The following GABRQ variants were observed in gnomAD, a reference collection of about 807,000 sequenced individuals.
GABRQ encodes gamma-aminobutyric acid receptor subunit theta.
Under a neutral mutation model 30.5 loss-of-function variants are expected in GABRQ, and 19 were observed. The ratio of observed to expected loss-of-function variants is 0.62; its 90% CI spans 0.43 to 0.91. The LOEUF is 0.91. Ranked by LOEUF, GABRQ falls within the 40% of genes least tolerant of loss-of-function variation. The pLI is 0.00. For missense variants in GABRQ, 520 were observed against 521.4 expected (o/e 1.00, Z 0.03); for synonymous variants, 187 against 210.2 (o/e 0.89, Z 0.95).
In GABRQ at chrX:152,650,596, G is replaced by A; in HGVS notation, c.901+16G>A. 8.5e-7 allele frequency: 1 copy of A among 1,178,899 alleles called. No homozygotes were observed. Among genetic ancestry groups the A allele is most frequent in the Middle Eastern group, 2.4e-4 (1 of 4,212 alleles). On this transcript the variant is annotated intron_variant, in intron 7 of 8. Transcript: ENST00000598523. ...GTGACAATTGGTAGGTTCTGTCTCT[G>A]TCCCAGGAAAGAATTTGGGTCATTT... is the stretch of plus-strand genomic sequence containing the variant.
chrX:152,640,297 G>T, intron 1 of GABRQ, 81 bp from the exon 2 acceptor site: 1 of 594,111 alleles, frequency 1.7e-6, no homozygotes, highest in Non-Finnish European at 3.0e-6. Flanking sequence ...ATGTGCTGGA[G>T]AAGAGAAGGC....
intron 2 of GABRQ, among the ~76,000 whole-genome samples, chrX:152,641,609 G>A (rs1262549505): frequency 7.1e-5 from 8 of 112,216 alleles, no homozygotes; most frequent in Non-Finnish European, 1.5e-4. Context: ...CCTCCGAAGT[G>A]TGAGAGCAGA....
Position 152,653,256 on chromosome X carries a change from T to A in GABRQ, c.1874T>A (p.Val625Asp), listed in dbSNP as rs1556820693. The stretch of plus-strand genomic sequence containing the variant: ...CTGGCCTTTGGGTTGTTCAACATTG[T>A]TTACTGGGTATACCATATGTATTAG... ...FPLAFGLFNI[V>D]YWVYHMY Residue 625 changes from valine to aspartate, a missense_variant, in exon 9 of 9, where the codon GTT becomes GAT. Transcript: ENST00000598523. 2.5e-6 allele frequency: 3 copies of A among 1,204,957 alleles called. No individual in the cohort carries two copies. The highest frequency in any genetic ancestry group is 3.4e-6 in the Non-Finnish European group (3 of 889,621).
rs781902552 is a variant in GABRQ, at chrX:152,649,890, C to T, written c.748+11C>T. On this transcript the variant is annotated intron_variant, in intron 6 of 8. Transcript: ENST00000598523. ...TGTATTTCTACACAGGTGGGTCTGA[C>T]CCCTTCCTTCTCTCCTGTCTCATGT... The T allele has an allele frequency of 4.2e-6, 5 of 1,176,726 alleles. No individual in the cohort carries two copies. In the South Asian group the frequency reaches 9.0e-5, roughly 21 times the overall value.
At position 152,649,143 on chromosome X, in the gene GABRQ, G is replaced by T. The variant is rs1930956181; in HGVS notation, c.528-108G>T. The T allele has an allele frequency of 3.8e-5, 21 of 558,334 alleles. No homozygotes were observed. In the South Asian group the frequency reaches 5.1e-4, roughly 14 times the overall value. The allele number at this position is 558,334 out of a possible 1,213,427, so 46.0% of individuals were successfully genotyped here. On this transcript the variant is annotated intron_variant, in intron 4 of 8. Coordinates refer to ENST00000598523, the MANE Select transcript of GABRQ (RefSeq NM_018558.4). ...TTTCCTCTCTCCTCTCTACACATGG[G>T]TCAGTCCTTGGGATAACTCTTCCCT...
chrX:152,651,364 AGC>A (rs1931014916), intron 7 of GABRQ, among the ~76,000 whole-genome samples, 160 bp from the exon 8 acceptor site: 1 of 112,143 alleles, frequency 8.9e-6, no homozygotes, highest in African/African-American at 3.2e-5. Context: ...GAACCAGTGA[AGC>A]GTGGGCTGAG....
intron 1 of GABRQ, among the ~76,000 whole-genome samples, chrX:152,639,408 A>G: frequency 9.0e-6 from 1 of 111,693 alleles, no homozygotes. Flanking sequence ...ACACACAAAC[A>G]CACACATTTG....
At chrX:152,649,697 T>C (rs782391711) in intron 5 of GABRQ, 45 bp from the exon 6 acceptor site, 1 of 1,106,967 alleles carries the variant, frequency 9.0e-7, no homozygotes, top group East Asian at 3.0e-5. Flanking sequence ...GTGCTTTTCT[T>C]TCTTTCTAAG....
intron 3 of GABRQ, among the ~76,000 whole-genome samples, chrX:152,645,877 A>G (rs191206043): frequency 1.8e-5 from 2 of 112,873 alleles, no homozygotes; most frequent in Non-Finnish European, 3.7e-5. Flanking sequence ...GTCTTGCAGT[A>G]GGATTTCTTT....
At chrX:152,642,155 A>G (rs949201430) in intron 2 of GABRQ, among the ~76,000 whole-genome samples, 7 of 111,981 alleles carry the variant, frequency 6.3e-5, no homozygotes, top group Admixed American at 2.8e-4. Context: ...GCATTTAAAC[A>G]GAAGGGGGCA....
intron 1 of GABRQ, 103 bp downstream of exon 1, chrX:152,638,454 G>C (rs1322528165): frequency 3.6e-6 from 3 of 825,472 alleles, no homozygotes; most frequent in Non-Finnish European, 5.2e-6. Flanking sequence ...ACTCGGGCTG[G>C]GGGGTACTCG....
chrX:152,650,600 C>T lies in GABRQ; in HGVS notation c.901+20C>T, dbSNP rs1556820030. 8.5e-7 allele frequency: 1 copy of T among 1,175,544 alleles called. No individual in the cohort carries two copies. The highest frequency in any genetic ancestry group is 1.9e-5 in the South Asian group (1 of 52,550). On this transcript the variant is annotated intron_variant, in intron 7 of 8. Transcript: ENST00000598523. ...CAATTGGTAGGTTCTGTCTCTGTCC[C>T]AGGAAAGAATTTGGGTCATTTGGCT...
At position 152,655,028 on chromosome X, in the gene GABRQ, AGT is replaced by A. The variant is rs1458441110; in HGVS notation, c.*1751_*1752del. 1 of 112,557 alleles carries A rather than the reference AGT, an allele frequency of 8.9e-6. No homozygotes were observed. The highest frequency in any genetic ancestry group is 1.9e-5 in the Non-Finnish European group (1 of 53,287). 9.3% of individuals were successfully genotyped at this position (112,557 alleles called of 1,213,427 possible). ...GCGTGTGTGTGCACATCCCTGTGAA[AGT>A]GTGGCTTATGTATGTGTATGCTTGT... On this transcript the variant is annotated 3_prime_UTR_variant, in exon 9 of 9. Transcript: ENST00000598523.
chrX:152,651,806 A>C (rs782349381), intron 8 of GABRQ, 24 bp downstream of exon 8: 1 of 1,201,475 alleles, frequency 8.3e-7, no homozygotes, highest in Non-Finnish European at 1.1e-6. Flanking sequence ...ACTGACAATC[A>C]GCTTTCCCTG....
chrX:152,638,199 G>A lies in GABRQ; in HGVS notation c.-4G>A. ...CGCCCTCAGGCGCCCAGAACGCCCC[G>A]GCCATGGGCATCCGAGGCATGCTGC... On this transcript the variant is annotated 5_prime_UTR_variant, in exon 1 of 9. Transcript: ENST00000598523. 8.3e-7 allele frequency: 1 copy of A among 1,209,614 alleles called. No individual in the cohort carries two copies. The highest frequency in any genetic ancestry group is 1.1e-6 in the Non-Finnish European group (1 of 894,092).
chrX:152,647,906 C>A (rs781986246), intron 4 of GABRQ, among the ~76,000 whole-genome samples: 1 of 112,020 alleles, frequency 8.9e-6, no homozygotes, highest in South Asian at 3.8e-4. Flanking sequence ...TTGGCTCTTA[C>A]GGTTTTTACA....
At position 152,655,234 on chromosome X, in the gene GABRQ, T is replaced by C. The variant is rs1266215108; in HGVS notation, c.*1953T>C. ...GCTCCCATATGGTGGAGGGGCCCTA[T>C]TTGGCCGGGCTGCTTAACTGACTGT... On this transcript the variant is annotated 3_prime_UTR_variant, in exon 9 of 9. Transcript: ENST00000598523. The C allele has an allele frequency of 1.8e-5, 2 of 112,281 alleles. No homozygotes were observed. The highest frequency in any genetic ancestry group is 3.8e-5 in the Non-Finnish European group (2 of 53,264). 9.3% of individuals were successfully genotyped at this position (112,281 alleles called of 1,213,427 possible). A position where few individuals can be genotyped will look rare whatever the true frequency, so the allele number is the denominator to read the frequency against.
chrX:152,658,320 C>T (rs782800751), downstream of GABRQ, among the ~76,000 whole-genome samples: 2 of 112,073 alleles, frequency 1.8e-5, no homozygotes, highest in Non-Finnish European at 3.8e-5. Context: ...CCTTGCCACT[C>T]TCTTTCAAGA....
chrX:152,651,501 T>C, intron 7 of GABRQ, 25 bp from the exon 8 acceptor site: 1 of 1,194,140 alleles, frequency 8.4e-7, no homozygotes, highest in Non-Finnish European at 1.1e-6. Flanking sequence ...CAGAGGAGAC[T>C]AAGTCTGTAC....
Sources: gnomAD v4.1 joint callset for allele counts (sites outside exome capture counted in the v4.1 genomes callset) on GRCh38, gnomAD v4.1.1 for gene constraint, MANE v1.5 for transcripts, NCBI Gene and HGNC (gene_info 2026-07-23, HGNC 2026-07-21) for gene names.